The following OPRL1 variants were observed in gnomAD, a reference collection of about 807,000 sequenced individuals.
OPRL1 encodes the protein opioid related nociceptin receptor 1, also known as nociceptin receptor.
In OPRL1, 5 loss-of-function variants were observed where a neutral mutation model predicts 15.5. The ratio of observed to expected loss-of-function variants is 0.32; its 90% CI spans 0.17 to 0.68. The LOEUF (loss-of-function observed/expected upper bound fraction) is 0.68. Among genes scored for constraint, OPRL1 ranks in the 30% least tolerant of loss-of-function variants. The probability of loss-of-function intolerance (pLI) is 0.72; values close to 1 mark genes in which losing one functional copy is unlikely to be tolerated. For synonymous variants in OPRL1, 223 were observed against 230.2 expected (o/e 0.97, Z 0.28); for missense variants, 406 against 515.3 (o/e 0.79, Z 2.05).
intron 3 of OPRL1, among the ~76,000 whole-genome samples, chr20:64,096,684 C>T (rs1279255107): frequency 6.6e-6 from 1 of 152,014 alleles, no homozygotes; most frequent in Non-Finnish European, 1.5e-5. Context: ...CTGCCAATAT[C>T]GCCGCCACCA....
intron 1 of OPRL1, among the ~76,000 whole-genome samples, chr20:64,088,912 AGT>A (rs1569272123): frequency 1.7e-5 from 1 of 58,676 alleles, no homozygotes; most frequent in Admixed American, 1.3e-4. Flanking sequence ...GTCTGTGCAG[AGT>A]GGCCAGGATC....
At position 64,097,064 on chromosome 20, in the gene OPRL1, C is replaced by T. The variant is rs879020431; in HGVS notation, c.234-738C>T. 5.5e-4 allele frequency among the ~76,000 whole-genome samples: 83 copies of T among 151,738 alleles called. No homozygotes were observed. Among genetic ancestry groups the T allele is most frequent in the East Asian group, 1.2e-3 (6 of 5,168 alleles). On this transcript the variant is annotated intron_variant, in intron 3 of 4. Transcript: ENST00000336866. This position sits in a 1 kb window ranked among gnomAD's most constrained non-coding sequence, Gnocchi z 4.2. ...ACCATCATCACCATCATCATCATCA[C>T]CACTACCATCACGCTCACAGTCATC... is the stretch of plus-strand genomic sequence containing the variant.
Position 64,099,056 on chromosome 20 carries a change from C to G in OPRL1, c.*257C>G. 2.0e-6 allele frequency: 1 copy of G among 505,958 alleles called. No individual in the cohort carries two copies. Among genetic ancestry groups the G allele is most frequent in the Admixed American group, 3.7e-5 (1 of 26,858 alleles). The allele number at this position is 505,958 out of a possible 1,614,324, so 31.3% of individuals were successfully genotyped here. A position where few individuals can be genotyped will look rare whatever the true frequency, so the allele number is the denominator to read the frequency against. On this transcript the variant is annotated 3_prime_UTR_variant, in exon 5 of 5. Coordinates refer to ENST00000336866, the MANE Select transcript of OPRL1 (RefSeq NM_182647.4). ...TAAAGCTGCCCTCCTGGTGCAGGGC[C>G]GAGGGGACACAAGGACCTACCTGGA...
At position 64,098,893 on chromosome 20, in the gene OPRL1, A is replaced by G; in HGVS notation, c.*94A>G. 1 of 1,448,690 alleles carries G rather than the reference A, an allele frequency of 6.9e-7. No homozygotes were observed. The highest frequency in any genetic ancestry group is 9.1e-7 in the Non-Finnish European group (1 of 1,095,910). 89.7% of individuals were successfully genotyped at this position (1,448,690 alleles called of 1,614,324 possible). ...ACAGGTCACTGCTCTCTAGGCGGAC[A>G]CACCCTGGGCCCTGAGCATCCAGAG... is the stretch of plus-strand genomic sequence containing the variant. On this transcript the variant is annotated 3_prime_UTR_variant, in exon 5 of 5. Transcript: ENST00000336866.
Position 64,099,007 on chromosome 20 carries a change from C to G in OPRL1, c.*208C>G. 1.5e-6 allele frequency: 1 copy of G among 677,680 alleles called. No homozygotes were observed. Among genetic ancestry groups the G allele is most frequent in the Non-Finnish European group, 2.4e-6 (1 of 413,552 alleles). The allele number at this position is 677,680 out of a possible 1,614,324, so 42.0% of individuals were successfully genotyped here. A position where few individuals can be genotyped will look rare whatever the true frequency, so the allele number is the denominator to read the frequency against. ...CATGGGACAGGTCAAAGCATTAGGG[C>G]CACCTCCATGGCCCCAGACAGACTA... On this transcript the variant is annotated 3_prime_UTR_variant, in exon 5 of 5. Transcript: ENST00000336866.
At chr20:64,084,947 C>T (rs1318990678) in intron 1 of OPRL1, 3 of 152,248 alleles carry the variant, frequency 2.0e-5, no homozygotes, top group African/African-American at 7.2e-5. Context: ...GGAAGAACCT[C>T]CGCCGTAGCC....
chr20:64,083,754 C>T lies in OPRL1; in HGVS notation c.-185+3402C>T, dbSNP rs1161878496. ...GCGCGCCGAGCCCCGCCCCGCCCCG[C>T]CCCGGCCGGCTCCGCTCAACGCTCC... On this transcript the variant is annotated intron_variant, in intron 1 of 4. Transcript: ENST00000336866. The surrounding 1 kb of genome is among the most constrained non-coding windows in gnomAD (Gnocchi z 4.9). 5.2e-6 allele frequency: 7 copies of T among 1,336,090 alleles called. No homozygotes were observed. The highest frequency in any genetic ancestry group is 1.5e-5 in the African/African-American group (1 of 64,802). The allele number at this position is 1,336,090 out of a possible 1,614,324, so 82.8% of individuals were successfully genotyped here.
rs2060103771 is a variant in OPRL1 at position 64,089,957 on chromosome 20, C to A, written c.-184-2009C>A. Reference sequence around the variant, plus strand: ...GTCCGAGCCTGCCTGGATTCCTGCCCCCTCTCGGCTCCTGAGGTCAGGGGG... The same window carrying A: ...GTCCGAGCCTGCCTGGATTCCTGCCACCTCTCGGCTCCTGAGGTCAGGGGG... On this transcript the variant is annotated intron_variant, in intron 1 of 4. Transcript: ENST00000336866. The surrounding 1 kb of genome is among the most constrained non-coding windows in gnomAD (Gnocchi z 5.5). Among the ~76,000 whole-genome samples the A allele has an allele frequency of 6.6e-6, 1 of 152,174 alleles. No individual in the cohort carries two copies. The highest frequency in any genetic ancestry group is 1.5e-5 in the Non-Finnish European group (1 of 68,026).
chr20:64,091,558 C>T (rs183698697), intron 1 of OPRL1, among the ~76,000 whole-genome samples: 5 of 152,272 alleles, frequency 3.3e-5, no homozygotes, highest in Admixed American at 6.5e-5. Context: ...TACGACGAAG[C>T]TTTGATCTGT....
At chr20:64,088,210 G>A (rs757881757) in intron 1 of OPRL1, among the ~76,000 whole-genome samples, 11 of 152,270 alleles carry the variant, frequency 7.2e-5, no homozygotes, top group Admixed American at 5.9e-4. Context: ...CTTCTTGGAG[G>A]AGGTAGGACT....
Position 64,081,811 on chromosome 20 carries a change from G to A in OPRL1, c.-185+1459G>A, listed in dbSNP as rs138338704. On this transcript the variant is annotated intron_variant, in intron 1 of 4. Transcript: ENST00000336866. ...CCTTTTCATGGGGATCAAAGGGCCC[G>A]AGTGCCGGCCTGACCCTGGTGCAGT... is the stretch of plus-strand genomic sequence containing the variant. 3.9e-3 allele frequency among the ~76,000 whole-genome samples: 594 copies of A among 152,258 alleles called. 7 individuals are homozygous for A. Among genetic ancestry groups the A allele is most frequent in the African/African-American group, 0.012 (503 of 41,544 alleles).
intron 1 of OPRL1, among the ~76,000 whole-genome samples, chr20:64,091,441 T>C (rs1416576577): frequency 6.6e-6 from 1 of 152,236 alleles, no homozygotes; most frequent in East Asian, 1.9e-4. Context: ...TGAGGCTTCG[T>C]GCTCTCAGCA....
At chr20:64,088,986 CA>C (rs1456383461) in intron 1 of OPRL1, among the ~76,000 whole-genome samples, 68 of 113,104 alleles carry the variant, frequency 6.0e-4, no homozygotes, top group African/African-American at 2.1e-3. Flanking sequence ...AGGATCTTTG[CA>C]GGGGGGACAG....
Position 64,092,767 on chromosome 20 carries a change from G to A in OPRL1, c.47G>A (p.Ser16Asn), listed in dbSNP as rs749985655. 1.9e-6 allele frequency: 3 copies of A among 1,612,740 alleles called. No individual in the cohort carries two copies. Among genetic ancestry groups the A allele is most frequent in the South Asian group, 2.2e-5 (2 of 91,090 alleles). The change falls in exon 3 of 5, where the codon AGC becomes AAC. Residue 16 changes from serine (S) to asparagine (N), a missense_variant. Transcript: ENST00000336866. ...CCGTTCTGGGAGGTTATCTACGGCA[G>A]CCACCTTCAGGGCAACCTGTCCCTC... ...PAPFWEVIYG[S>N]HLQGNLSLLS...
chr20:64,083,883 C>T lies in OPRL1; in HGVS notation c.-185+3531C>T. On this transcript the variant is annotated intron_variant, in intron 1 of 4. Transcript: ENST00000336866. The surrounding 1 kb of genome is among the most constrained non-coding windows in gnomAD (Gnocchi z 4.9). ...CCGCGGGCCTCCGCTGCCTTGAGGA[C>T]GCCGAGGAGCCGGTTCTGGCGCTCG... 7.0e-7 allele frequency: 1 copy of T among 1,438,532 alleles called. No individual in the cohort carries two copies. The highest frequency in any genetic ancestry group is 3.1e-5 in the East Asian group (1 of 32,786). 89.1% of individuals were successfully genotyped at this position (1,438,532 alleles called of 1,614,324 possible). A position where few individuals can be genotyped will look rare whatever the true frequency, so the allele number is the denominator to read the frequency against.
At chr20:64,088,882 G>GTCTTGGCAGGGTGGCCAGGA (rs1569272077) in intron 1 of OPRL1, among the ~76,000 whole-genome samples, 2 of 13,186 alleles carry the variant, frequency 1.5e-4, no homozygotes, top group African/African-American at 5.2e-4. Flanking sequence ...AGTGGCCAGG[G>GTCTTGGCAGGGTGGCCAGGA]TCTGTGCAGA....
In OPRL1 at chr20:64,090,144, G is replaced by T. The variant is rs575028901; in HGVS notation, c.-184-1822G>T. ...CGTTGGCGTCATCTTGCATGTGTGTGGCCCGTGTGTTTGTGCATCCCTGTG... is the reference window on the plus strand; with the variant it reads ...CGTTGGCGTCATCTTGCATGTGTGTTGCCCGTGTGTTTGTGCATCCCTGTG... On this transcript the variant is annotated intron_variant, in intron 1 of 4. Transcript: ENST00000336866. This position sits in a 1 kb window ranked among gnomAD's most constrained non-coding sequence, Gnocchi z 4.9. 2.0e-5 allele frequency among the ~76,000 whole-genome samples: 3 copies of T among 152,336 alleles called. No homozygotes were observed. In the South Asian group the frequency reaches 6.2e-4, roughly 32 times the overall value.
chr20:64,092,735 C>A lies in OPRL1; in HGVS notation c.15C>A (p.Phe5Leu). The change falls in exon 3 of 5, where the codon TTC (phenylalanine) becomes TTA (leucine). Residue 5 changes from phenylalanine to leucine, a missense_variant. By Grantham distance (22) the Phe-to-Leu change is conservative. Coordinates refer to ENST00000336866, the MANE Select transcript of OPRL1 (RefSeq NM_182647.4). MEPL[F>L]PAPFWEVIYG... The stretch of plus-strand genomic sequence containing the variant: ...AGGGCAGTGGCATGGAGCCCCTCTT[C>A]CCCGCGCCGTTCTGGGAGGTTATCT... 6.2e-7 allele frequency: 1 copy of A among 1,612,338 alleles called. No homozygotes were observed. Among genetic ancestry groups the A allele is most frequent in the Middle Eastern group, 1.7e-4 (1 of 6,054 alleles).
At chr20:64,095,311 A>G in intron 3 of OPRL1, among the ~76,000 whole-genome samples, 2 of 54,008 alleles carry the variant, frequency 3.7e-5, no homozygotes, top group African/African-American at 8.1e-5. Flanking sequence ...TGTGGGGGAG[A>G]TGGTGTTGGG....
Sources: allele counts gnomAD v4.1 joint callset (sites outside exome capture counted in the v4.1 genomes callset), GRCh38; gene constraint gnomAD v4.1.1; non-coding constraint Gnocchi (gnomAD v3.1); transcripts MANE v1.5; gene names NCBI Gene and HGNC (gene_info 2026-07-23, HGNC 2026-07-21).